Variants in FAM83D observed in about 807,000 individuals in gnomAD.
FAM83D encodes protein FAM83D.
FAM83D carries 26 observed loss-of-function variants against 25.4 expected under a neutral mutation model. The observed-to-expected ratio is 1.02, with a 90% CI of 0.75 to 1.42. The LOEUF is 1.42. Among genes scored for constraint, FAM83D ranks in the 40% most tolerant of loss-of-function variants. FAM83D has a pLI of 0.00. For synonymous variants in FAM83D, 310 were observed against 318.5 expected (o/e 0.97, Z 0.28); for missense variants, 740 against 758.1 (o/e 0.98, Z 0.28).
At chr20:38,943,171 C>G (rs759255366) in intron 2 of FAM83D, among the ~76,000 whole-genome samples, 3 of 152,034 alleles carry the variant, frequency 2.0e-5, no homozygotes, top group Non-Finnish European at 2.9e-5. Flanking sequence ...ATTACAGGTG[C>G]GTACCACCAC....
intron 1 of FAM83D, 128 bp from the exon 2 acceptor site, chr20:38,941,831 G>A: frequency 3.4e-6 from 3 of 895,512 alleles, no homozygotes; most frequent in East Asian, 2.4e-5. Context: ...ACTGCAGAAG[G>A]GGGAGGGAAG....
chr20:38,932,414 A>G (rs1448828356), intron 1 of FAM83D, among the ~76,000 whole-genome samples: 2 of 152,238 alleles, frequency 1.3e-5, no homozygotes, highest in African/African-American at 4.8e-5. Context: ...ACAATTACGT[A>G]TAGCATGGCT....
chr20:38,950,773 A>G (rs189572867), intron 3 of FAM83D, among the ~76,000 whole-genome samples: 1 of 149,704 alleles, frequency 6.7e-6, no homozygotes, highest in East Asian at 1.9e-4. Flanking sequence ...TAAAATGGGG[A>G]TGCTGGCCTA....
At position 38,946,965 on chromosome 20, in the gene FAM83D, C is replaced by G. The variant is rs142908309; in HGVS notation, c.652-911C>G. Among the ~76,000 whole-genome samples the G allele has an allele frequency of 7.9e-5, 12 of 152,296 alleles. 1 individual carries two copies. The highest frequency in any genetic ancestry group is 2.2e-4 in the African/African-American group (9 of 41,564). ...ATCAATTAGTTTTCTCTCTCTTATT[C>G]TAGTCCTTGAAGGTAAGGAGCATGC... On this transcript the variant is annotated intron_variant, in intron 2 of 3. Transcript: ENST00000619850.
At chr20:38,932,038 A>G (rs932651196) in intron 1 of FAM83D, among the ~76,000 whole-genome samples, 1 of 152,192 alleles carries the variant, frequency 6.6e-6, no homozygotes, top group Admixed American at 6.5e-5. Context: ...TTGTTTCTAT[A>G]TACCTTTCAA....
intron 1 of FAM83D, among the ~76,000 whole-genome samples, chr20:38,941,125 G>A (rs2085700252): frequency 6.6e-6 from 1 of 152,164 alleles, no homozygotes; most frequent in African/African-American, 2.4e-5. Flanking sequence ...GAGCTTAAGG[G>A]CAGAATCCTT....
chr20:38,949,159 GCTTT>G (rs2085742046), intron 3 of FAM83D, among the ~76,000 whole-genome samples: 1 of 141,980 alleles, frequency 7.0e-6, no homozygotes, highest in South Asian at 2.2e-4. Flanking sequence ...CTCATTGAAG[GCTTT>G]CTTTTTTTTT....
Position 38,942,043 on chromosome 20 carries a change from G to C in FAM83D, c.568G>C (p.Val190Leu), listed in dbSNP as rs1481728939. The C allele has an allele frequency of 6.2e-7, 1 of 1,614,240 alleles. No individual in the cohort carries two copies. The highest frequency in any genetic ancestry group is 1.3e-5 in the African/African-American group (1 of 75,052). Reference sequence around the variant, plus strand: ...AATATGCAGGAAACAGGGAGTTGCTGTGTATATCCTTCTGGACCAGGCTCT... The same window carrying C: ...AATATGCAGGAAACAGGGAGTTGCTCTGTATATCCTTCTGGACCAGGCTCT... ...QEICRKQGVA[V>L]YILLDQALLS... Residue 190 changes from valine (V) to leucine (L), a missense_variant, in exon 2 of 4, where the codon GTG becomes CTG. This residue lies in a region of FAM83D where 333 missense variants were observed against 298.6 expected (regional missense o/e 1.12). Coordinates refer to ENST00000619850, the MANE Select transcript of FAM83D (RefSeq NM_030919.3).
At chr20:38,928,085 C>T (rs2085644070) in intron 1 of FAM83D, among the ~76,000 whole-genome samples, 1 of 152,190 alleles carries the variant, frequency 6.6e-6, no homozygotes, top group Non-Finnish European at 1.5e-5. Flanking sequence ...GGGTGTGGCA[C>T]ATAGAGTGTC....
chr20:38,932,811 G>A (rs991327705), intron 1 of FAM83D, among the ~76,000 whole-genome samples: 18 of 152,164 alleles, frequency 1.2e-4, no homozygotes, highest in South Asian at 4.1e-4. Flanking sequence ...TCAGAGTCAC[G>A]TTTCTTACCA....
intron 1 of FAM83D, 40 bp from the exon 2 acceptor site, chr20:38,941,919 C>T (rs2085703846): frequency 1.9e-6 from 3 of 1,608,894 alleles, no homozygotes; most frequent in African/African-American, 2.7e-5. Flanking sequence ...AGGTGGTGTC[C>T]TATAAGCTTA....
chr20:38,952,325 T>C lies in FAM83D; in HGVS notation c.1563T>C (p.Ser521=), dbSNP rs761008495. 47 of 1,613,956 alleles carry C rather than the reference T, an allele frequency of 2.9e-5. No homozygotes were observed. The highest frequency in any genetic ancestry group is 4.0e-5 in the Non-Finnish European group (47 of 1,180,028). ...LGTPHLELYL[S]DSLRNLNKER... Reference sequence around the variant, plus strand: ...CCCCCCACCTGGAACTGTACTTGAGTGACTCACTTAGAAACTTGAACAAAG... The same window carrying C: ...CCCCCCACCTGGAACTGTACTTGAGCGACTCACTTAGAAACTTGAACAAAG... Residue 521 remains serine (S), a synonymous_variant, in exon 4 of 4, where the codon AGT becomes AGC. Transcript: ENST00000619850.
At chr20:38,929,006 G>A (rs1242480871) in intron 1 of FAM83D, among the ~76,000 whole-genome samples, 5 of 151,840 alleles carry the variant, frequency 3.3e-5, no homozygotes, top group Admixed American at 6.6e-5. Context: ...GTGAAACCCC[G>A]TCTCTACTAA....
Position 38,927,015 on chromosome 20 carries a change from C to T in FAM83D, c.483+90C>T. ...CTGCTGGGAGTACGGGCCGGGGCCACTACCTCCTCTGCGCCCTACCGGAAG... is the reference window on the plus strand; with the variant it reads ...CTGCTGGGAGTACGGGCCGGGGCCATTACCTCCTCTGCGCCCTACCGGAAG... On this transcript the variant is annotated intron_variant, in intron 1 of 3. Coordinates refer to ENST00000619850, the MANE Select transcript of FAM83D (RefSeq NM_030919.3). 3.6e-6 allele frequency: 5 copies of T among 1,395,016 alleles called. No homozygotes were observed. In the South Asian group the frequency reaches 8.0e-5, roughly 22 times the overall value. 86.4% of individuals were successfully genotyped at this position (1,395,016 alleles called of 1,614,324 possible).
In FAM83D at chr20:38,926,651, G is replaced by A. The variant is rs1199509121; in HGVS notation, c.209G>A (p.Arg70His). ...LNPDEVHAILRAAERPGEEGA... is the reference protein window; with the variant it reads ...LNPDEVHAILHAAERPGEEGA... ...CCCGATGAGGTGCACGCCATTCTGCGCGCGGCGGAGAGGCCGGGAGAGGAG... is the reference window on the plus strand; with the variant it reads ...CCCGATGAGGTGCACGCCATTCTGCACGCGGCGGAGAGGCCGGGAGAGGAG... The change falls in exon 1 of 4, where the codon CGC becomes CAC. Residue 70 changes from arginine (R) to histidine (H), a missense_variant. This residue lies in a region of FAM83D where 333 missense variants were observed against 298.6 expected (regional missense o/e 1.12). Transcript: ENST00000619850. The A allele has an allele frequency of 6.5e-7, 1 of 1,536,272 alleles. No homozygotes were observed. The highest frequency in any genetic ancestry group is 8.7e-7 in the Non-Finnish European group (1 of 1,146,804).
chr20:38,927,498 C>CTTTTTTTT (rs1173092369), intron 1 of FAM83D, among the ~76,000 whole-genome samples: 4 of 101,418 alleles, frequency 3.9e-5, no homozygotes, highest in Admixed American at 1.1e-4. Flanking sequence ...TCTTTCTTGT[C>CTTTTTTTT]TTTTTTTTTT....
chr20:38,938,357 C>T (rs538139519), intron 1 of FAM83D, among the ~76,000 whole-genome samples: 8 of 152,264 alleles, frequency 5.3e-5, no homozygotes, highest in East Asian at 1.9e-4. Flanking sequence ...TCCTTTGGCC[C>T]GTCACACTCT....
chr20:38,946,546 A>G (rs1364161402), intron 2 of FAM83D, among the ~76,000 whole-genome samples: 1 of 152,164 alleles, frequency 6.6e-6, no homozygotes, highest in Non-Finnish European at 1.5e-5. Context: ...CATCACCACA[A>G]AGATCTCCCT....
At chr20:38,940,241 G>A (rs967717419) in intron 1 of FAM83D, among the ~76,000 whole-genome samples, 1 of 152,054 alleles carries the variant, frequency 6.6e-6, no homozygotes, top group African/African-American at 2.4e-5. Context: ...GGGAAAGGCA[G>A]CAGGAGAGTA....
Sources: allele counts gnomAD v4.1 joint callset (sites outside exome capture counted in the v4.1 genomes callset), GRCh38; gene constraint gnomAD v4.1.1; regional missense constraint gnomAD v4.1.1; transcripts MANE v1.5; gene names NCBI Gene and HGNC (gene_info 2026-07-23, HGNC 2026-07-21).